The following CSMD1 variants were observed in gnomAD, a reference collection of about 807,000 sequenced individuals.
CSMD1 encodes the protein CUB and sushi domain-containing protein 1.
A neutral mutation model predicts 417.5 loss-of-function variants in CSMD1; 213 were observed. The ratio of observed to expected loss-of-function variants is 0.51; its 90% CI spans 0.46 to 0.57. The LOEUF (loss-of-function observed/expected upper bound fraction) is 0.57, where lower values mean the gene tolerates loss of function less well. Ranked by LOEUF, CSMD1 falls within the 20% of genes least tolerant of loss-of-function variation. The pLI is 0.00. For missense variants in CSMD1, 6,923 were observed against 4,529.7 expected (o/e 1.53, Z -15.17); for synonymous variants, 2,862 against 1,736.8 (o/e 1.65, Z -16.11).
chr8:3,801,834 G>A (rs970440543), intron 5 of CSMD1, among the ~76,000 whole-genome samples: 1 of 152,062 alleles, frequency 6.6e-6, no homozygotes, highest in African/African-American at 2.4e-5. Flanking sequence ...AATACTGAGG[G>A]ACCAGAATCA....
At chr8:4,918,130 C>T (rs1007660546) in intron 1 of CSMD1, among the ~76,000 whole-genome samples, 1 of 152,190 alleles carries the variant, frequency 6.6e-6, no homozygotes, top group Non-Finnish European at 1.5e-5. Flanking sequence ...AAACTGCCCC[C>T]TGAAAAATTC....
intron 1 of CSMD1, among the ~76,000 whole-genome samples, chr8:4,801,318 G>T (rs1250714510): frequency 6.6e-6 from 1 of 152,132 alleles, no homozygotes; most frequent in African/African-American, 2.4e-5. Flanking sequence ...AAGGAGGGTG[G>T]AAGTGGAAGA....
intron 3 of CSMD1, among the ~76,000 whole-genome samples, chr8:4,039,049 G>T (rs935025643): frequency 9.7e-6 from 1 of 103,352 alleles, no homozygotes; most frequent in Non-Finnish European, 1.9e-5. Flanking sequence ...GTGAAAGCAT[G>T]ATACTACAAT....
chr8:4,958,901 G>C (rs542875774), intron 1 of CSMD1, among the ~76,000 whole-genome samples: 1 of 152,168 alleles, frequency 6.6e-6, no homozygotes, highest in East Asian at 1.9e-4. Flanking sequence ...CAACAAAGAG[G>C]AAAGAATATT....
chr8:4,036,057 T>A (rs957502462), intron 3 of CSMD1, among the ~76,000 whole-genome samples: 1 of 152,224 alleles, frequency 6.6e-6, no homozygotes, highest in African/African-American at 2.4e-5. Context: ...TATGTTATAG[T>A]TGCCTACAGT....
intron 10 of CSMD1, among the ~76,000 whole-genome samples, chr8:3,556,392 A>ATATATATATATATATATATACAT (rs1554468279): frequency 8.3e-6 from 1 of 120,448 alleles, no homozygotes; most frequent in Non-Finnish European, 1.7e-5. Flanking sequence ...TATAATAATT[A>ATATATATATATATATATATACAT]ATATATATAT....
chr8:3,742,759 C>A (rs573610546), intron 6 of CSMD1, among the ~76,000 whole-genome samples: 2 of 151,898 alleles, frequency 1.3e-5, no homozygotes, highest in Non-Finnish European at 2.9e-5. Flanking sequence ...AAAAACAAAA[C>A]GAAACGAAAC....
intron 3 of CSMD1, among the ~76,000 whole-genome samples, chr8:4,205,523 T>C (rs1256677140): frequency 2.0e-5 from 3 of 152,198 alleles, no homozygotes; most frequent in Admixed American, 6.5e-5. Flanking sequence ...TTTCATTTTA[T>C]GGATGATGAA....
At chr8:3,316,627 G>T (rs189108456) in intron 23 of CSMD1, among the ~76,000 whole-genome samples, 1 of 152,134 alleles carries the variant, frequency 6.6e-6, no homozygotes, top group East Asian at 1.9e-4. Context: ...TCGCATGGCA[G>T]TTGGGAACAC....
intron 42 of CSMD1, among the ~76,000 whole-genome samples, chr8:3,116,043 A>G (rs1287461493): frequency 6.6e-6 from 1 of 152,240 alleles, no homozygotes; most frequent in Non-Finnish European, 1.5e-5. Context: ...CTGAAGTGCC[A>G]TATAACTGTA....
intron 11 of CSMD1, among the ~76,000 whole-genome samples, chr8:3,485,730 A>C (rs1817990655): frequency 6.6e-6 from 1 of 151,736 alleles, no homozygotes; most frequent in African/African-American, 2.4e-5. Flanking sequence ...ACTGCACTAC[A>C]GCCTGGGTGA....
chr8:4,002,238 C>A (rs934870317), intron 4 of CSMD1, among the ~76,000 whole-genome samples: 1 of 151,656 alleles, frequency 6.6e-6, no homozygotes, highest in Non-Finnish European at 1.5e-5. Context: ...CATGTGTGTG[C>A]GTGTGTTTGT....
At chr8:4,506,375 C>T (rs1161987913) in intron 2 of CSMD1, among the ~76,000 whole-genome samples, 1 of 150,970 alleles carries the variant, frequency 6.6e-6, no homozygotes, top group Non-Finnish European at 1.5e-5. Flanking sequence ...TCCATGAGCC[C>T]AAGTCTAGTG....
At chr8:4,768,818 T>A (rs564880633) in intron 1 of CSMD1, among the ~76,000 whole-genome samples, 1 of 152,196 alleles carries the variant, frequency 6.6e-6, no homozygotes, top group Non-Finnish European at 1.5e-5. Flanking sequence ...CAAATGGAAA[T>A]AGAAGCAGTT....
At chr8:4,414,299 C>T (rs960329342) in intron 3 of CSMD1, among the ~76,000 whole-genome samples, 4 of 152,154 alleles carry the variant, frequency 2.6e-5, no homozygotes, top group East Asian at 3.9e-4. Flanking sequence ...GAGGAAGCCC[C>T]GCCCATCCTA....
chr8:4,935,519 C>T (rs367580823), intron 1 of CSMD1, among the ~76,000 whole-genome samples: 10 of 152,154 alleles, frequency 6.6e-5, no homozygotes, highest in African/African-American at 2.4e-4. Flanking sequence ...CATGAATGAA[C>T]GAATGAATGA....
intron 26 of CSMD1, among the ~76,000 whole-genome samples, chr8:3,267,106 G>C (rs1052041686): frequency 1.3e-5 from 2 of 152,254 alleles, no homozygotes; most frequent in South Asian, 2.1e-4. Flanking sequence ...AAAATCAGGA[G>C]AGAAAGAGGC....
At chr8:3,455,031 A>C (rs941668324) in intron 12 of CSMD1, among the ~76,000 whole-genome samples, 2 of 152,004 alleles carry the variant, frequency 1.3e-5, no homozygotes, top group African/African-American at 4.8e-5. Flanking sequence ...TTTTTTCTCT[A>C]AACTTCTCCT....
chr8:3,349,631 A>G (rs764950567), intron 21 of CSMD1, among the ~76,000 whole-genome samples: 13 of 151,514 alleles, frequency 8.6e-5, no homozygotes, highest in Non-Finnish European at 1.6e-4. Context: ...CAGTAATTAT[A>G]TAACTATAAT....
Sources: allele counts gnomAD v4.1 joint callset (sites outside exome capture counted in the v4.1 genomes callset), GRCh38; gene constraint gnomAD v4.1.1; transcripts MANE v1.5; gene names NCBI Gene and HGNC (gene_info 2026-07-23, HGNC 2026-07-21).